AIM2: variants seen among roughly 807,000 people sequenced by gnomAD.
The protein encoded by AIM2 is interferon-inducible protein AIM2.
Under a neutral mutation model 27.7 loss-of-function variants are expected in AIM2, and 30 were observed. The observed-to-expected ratio is 1.08, with a 90% CI of 0.81 to 1.47. The LOEUF (loss-of-function observed/expected upper bound fraction) is 1.47, where lower values mean the gene tolerates loss of function less well. Among genes scored for constraint, AIM2 ranks in the 40% most tolerant of loss-of-function variants. The pLI, the probability that AIM2 is intolerant of heterozygous loss-of-function variation, is 0.00. For missense variants in AIM2, 358 were observed against 411.3 expected (o/e 0.87, Z 1.12); for synonymous variants, 141 against 145.3 (o/e 0.97, Z 0.21).
chr1:159,078,004 C>A (rs1427610497), upstream of AIM2, among the ~76,000 whole-genome samples: 1 of 152,164 alleles, frequency 6.6e-6, no homozygotes, highest in Non-Finnish European at 1.5e-5. Flanking sequence ...GCTCAAGGAG[C>A]AGAGGAAGAG....
intron 1 of AIM2, among the ~76,000 whole-genome samples, chr1:159,112,032 ACT>A (rs1007145717): frequency 1.2e-4 from 19 of 152,002 alleles, no homozygotes; most frequent in Non-Finnish European, 1.5e-5. Context: ...ACAGAGTGAG[ACT>A]CTGACTCAAA....
chr1:159,063,034 A>AACC (rs1655906521), intron 5 of AIM2, among the ~76,000 whole-genome samples: 2 of 152,168 alleles, frequency 1.3e-5, no homozygotes, highest in African/African-American at 4.8e-5. Context: ...GGACACGGGT[A>AACC]GGAGGGTGTG....
In AIM2 at chr1:159,099,334, G is replaced by T. The variant is rs573301337; in HGVS notation, c.-15-33005C>A. Among the ~76,000 whole-genome samples the T allele has an allele frequency of 1.2e-4, 19 of 152,310 alleles. No individual in the cohort carries two copies. The East Asian group carries it at 3.5e-3, about 28-fold the overall frequency. ...GAGAGCGAAATGTTCAAATTTTATT[G>T]TTCAGAGAAGAAAAGTTCCAGGGAG... On this transcript the variant is annotated intron_variant, in intron 1 of 2. Transcript: ENST00000368129.
intron 1 of AIM2, among the ~76,000 whole-genome samples, chr1:159,091,210 A>T (rs1477780725): frequency 3.3e-5 from 5 of 152,270 alleles, no homozygotes; most frequent in African/African-American, 2.4e-5. Context: ...GCTAGAAAAG[A>T]GAATGATAGG....
At chr1:159,063,086 C>G (rs1268129938) in intron 5 of AIM2, among the ~76,000 whole-genome samples, 1 of 152,160 alleles carries the variant, frequency 6.6e-6, no homozygotes, top group East Asian at 1.9e-4. Context: ...CTTAACTGCA[C>G]TGGACTATGG....
chr1:159,107,535 C>G (rs1227039787), intron 1 of AIM2, among the ~76,000 whole-genome samples: 1 of 151,958 alleles, frequency 6.6e-6, no homozygotes, highest in African/African-American at 2.4e-5. Context: ...GAGGAAAAAA[C>G]TCTTGTGAAA....
At chr1:159,141,154 C>A (rs982491523), upstream of AIM2, among the ~76,000 whole-genome samples, 5 of 152,162 alleles carry the variant, frequency 3.3e-5, no homozygotes, top group Admixed American at 2.6e-4. Context: ...CCGTGTCAGG[C>A]AGAGACATCC....
downstream of AIM2, among the ~76,000 whole-genome samples, chr1:159,057,787 A>G (rs1347064021): frequency 6.6e-6 from 1 of 152,232 alleles, no homozygotes; most frequent in Non-Finnish European, 1.5e-5. Context: ...AAACAAACAA[A>G]AAAACATAAA....
At chr1:159,063,710 C>A (rs769586913) in intron 4 of AIM2, 36 bp from the exon 5 acceptor site, 52 of 1,589,862 alleles carry the variant, frequency 3.3e-5, no homozygotes, top group Non-Finnish European at 4.4e-5. Context: ...CTCTGATAAT[C>A]GGATTAATGA....
At chr1:159,122,207 T>A (rs956434623) in intron 1 of AIM2, 1 of 152,106 alleles carries the variant, frequency 6.6e-6, no homozygotes, top group Non-Finnish European at 1.5e-5. Context: ...ATCCCAATGG[T>A]TTAACACTAA....
At chr1:159,072,716 G>A (rs1284167367) in intron 2 of AIM2, among the ~76,000 whole-genome samples, 1 of 152,208 alleles carries the variant, frequency 6.6e-6, no homozygotes, top group Non-Finnish European at 1.5e-5. Context: ...CCCTTCTGAA[G>A]AAGGAGGAGA....
intron 1 of AIM2, among the ~76,000 whole-genome samples, chr1:159,146,014 G>A (rs1648195371): frequency 6.6e-6 from 1 of 151,868 alleles, no homozygotes. Flanking sequence ...GCTGAGGCAG[G>A]AGAATCACTT....
chr1:159,081,070 C>T (rs535751720), upstream of AIM2: 11 of 196,838 alleles, frequency 5.6e-5, no homozygotes, highest in Admixed American at 5.4e-4. Flanking sequence ...GATTTTTATA[C>T]TCATAATGAT....
chr1:159,132,516 G>A (rs946043346), intron 1 of AIM2, among the ~76,000 whole-genome samples: 7 of 152,110 alleles, frequency 4.6e-5, no homozygotes, highest in African/African-American at 1.7e-4. Context: ...AAAAAGAACG[G>A]ACTCAGACAC....
chr1:159,101,951 G>A (rs751579640), intron 1 of AIM2, among the ~76,000 whole-genome samples: 128 of 152,270 alleles, frequency 8.4e-4, no homozygotes, highest in Admixed American at 9.2e-4. Context: ...AGAAATTTGC[G>A]TAAGTAATGA....
chr1:159,070,506 C>T (rs991329210), intron 2 of AIM2, among the ~76,000 whole-genome samples: 28 of 152,094 alleles, frequency 1.8e-4, no homozygotes, highest in African/African-American at 6.3e-4. Context: ...AACAAGATGG[C>T]CATGTTTGAT....
At chr1:159,121,659 C>T (rs1363356123) in intron 1 of AIM2, among the ~76,000 whole-genome samples, 1 of 152,118 alleles carries the variant, frequency 6.6e-6, no homozygotes, top group African/African-American at 2.4e-5. Context: ...ATGTTATAGA[C>T]CAGGTAATGA....
At chr1:159,072,272 T>C (rs1428878619) in intron 2 of AIM2, among the ~76,000 whole-genome samples, 5 of 152,246 alleles carry the variant, frequency 3.3e-5, no homozygotes, top group Non-Finnish European at 2.9e-5. Flanking sequence ...CCTAACAGTT[T>C]ATATCTGTAT....
At chr1:159,119,289 G>T (rs1347349097) in intron 1 of AIM2, among the ~76,000 whole-genome samples, 2 of 151,848 alleles carry the variant, frequency 1.3e-5, no homozygotes, top group African/African-American at 2.4e-5. Flanking sequence ...TACAAACAGG[G>T]TGCAGCTTAA....
Sources: gnomAD v4.1 joint callset for allele counts (sites outside exome capture counted in the v4.1 genomes callset) on GRCh38, gnomAD v4.1.1 for gene constraint, MANE v1.5 for transcripts, NCBI Gene and HGNC (gene_info 2026-07-23, HGNC 2026-07-21) for gene names.